Variants in FBXW7 observed in about 807,000 individuals in gnomAD.
FBXW7 encodes the protein F-box and WD repeat domain containing 7, also known as F-box/WD repeat-containing protein 7.
A neutral mutation model predicts 86.3 loss-of-function variants in FBXW7; 11 were observed. That is an observed-to-expected ratio of 0.13 (90% confidence interval 0.08 to 0.21). The LOEUF (loss-of-function observed/expected upper bound fraction) is 0.21. Among genes scored for constraint, FBXW7 ranks in the 10% least tolerant of loss-of-function variants. The pLI is 1.00. For missense variants in FBXW7, 488 were observed against 847.4 expected (o/e 0.58, Z 5.27); for synonymous variants, 313 against 297.9 (o/e 1.05, Z -0.52).
chr4:152,447,094 T>C (rs1280628629), intron 2 of FBXW7, among the ~76,000 whole-genome samples: 2 of 152,244 alleles, frequency 1.3e-5, no homozygotes, highest in Non-Finnish European at 2.9e-5. Context: ...TTTTCAACTT[T>C]CTAGAAACAC....
At chr4:152,366,893 T>C (rs1005824448) in intron 4 of FBXW7, among the ~76,000 whole-genome samples, 2 of 152,116 alleles carry the variant, frequency 1.3e-5, no homozygotes, top group Non-Finnish European at 2.9e-5. Flanking sequence ...CCATCAATGA[T>C]AGACTGGATT....
At chr4:152,499,740 TAG>T (rs1746737525) in intron 2 of FBXW7, among the ~76,000 whole-genome samples, 1 of 152,146 alleles carries the variant, frequency 6.6e-6, no homozygotes, top group African/African-American at 2.4e-5. Flanking sequence ...GTGTTTTTTG[TAG>T]AGACAGGGTT....
At chr4:152,403,877 C>T (rs146641933) in intron 4 of FBXW7, among the ~76,000 whole-genome samples, 1 of 152,160 alleles carries the variant, frequency 6.6e-6, no homozygotes, top group African/African-American at 2.4e-5. Context: ...GCTCGGAGAA[C>T]GGTTTTTATA....
At chr4:152,403,329 T>C (rs1179564353) in intron 4 of FBXW7, among the ~76,000 whole-genome samples, 3 of 151,874 alleles carry the variant, frequency 2.0e-5, no homozygotes, top group Non-Finnish European at 1.5e-5. Flanking sequence ...AATACAAAAA[T>C]TAGCTGGACG....
At chr4:152,457,973 A>G (rs1273480772) in intron 2 of FBXW7, among the ~76,000 whole-genome samples, 1 of 150,672 alleles carries the variant, frequency 6.6e-6, no homozygotes, top group South Asian at 2.1e-4. Flanking sequence ...AATTCTTTTA[A>G]TTTGATGTTT....
chr4:152,485,752 G>A (rs1745278241), intron 2 of FBXW7, among the ~76,000 whole-genome samples: 1 of 152,144 alleles, frequency 6.6e-6, no homozygotes, highest in African/African-American at 2.4e-5. Context: ...AAGGTAAGGA[G>A]AGAATGTTTT....
At chr4:152,406,366 T>C (rs2126859443) in intron 4 of FBXW7, among the ~76,000 whole-genome samples, 1 of 152,254 alleles carries the variant, frequency 6.6e-6, no homozygotes, top group Non-Finnish European at 1.5e-5. Flanking sequence ...GAGGATCTCT[T>C]ATGCCCAGGG....
intron 2 of FBXW7, among the ~76,000 whole-genome samples, chr4:152,468,161 G>A (rs1479683626): frequency 6.6e-6 from 1 of 152,048 alleles, no homozygotes; most frequent in African/African-American, 2.4e-5. Context: ...TTATGAGGTC[G>A]TGGAGAAATT....
intron 2 of FBXW7, among the ~76,000 whole-genome samples, chr4:152,529,762 T>A (rs894119062): frequency 2.0e-5 from 3 of 151,524 alleles, no homozygotes; most frequent in Non-Finnish European, 2.9e-5. Context: ...AGCTCAGGAG[T>A]TAAGAGACCA....
intron 4 of FBXW7, among the ~76,000 whole-genome samples, chr4:152,387,528 C>T (rs1270237953): frequency 6.9e-6 from 1 of 144,284 alleles, no homozygotes; most frequent in Non-Finnish European, 1.5e-5. Flanking sequence ...AATTTAAACA[C>T]AGAGGAAAAC....
At chr4:152,389,386 C>CAT (rs1043924105) in intron 4 of FBXW7, among the ~76,000 whole-genome samples, 6 of 152,064 alleles carry the variant, frequency 3.9e-5, no homozygotes, top group South Asian at 4.2e-4. Flanking sequence ...AACTAACCCA[C>CAT]ATATATATAT....
chr4:152,345,029 T>C (rs1445587263), intron 6 of FBXW7, among the ~76,000 whole-genome samples: 3 of 152,226 alleles, frequency 2.0e-5, no homozygotes, highest in Non-Finnish European at 4.4e-5. Context: ...CAGAATGATA[T>C]ATGCTGTTCA....
chr4:152,438,705 T>C (rs1340389127), intron 2 of FBXW7, among the ~76,000 whole-genome samples: 1 of 151,966 alleles, frequency 6.6e-6, no homozygotes, highest in Admixed American at 6.6e-5. Context: ...TTTTAAAACA[T>C]AAAGCTATAC....
chr4:152,520,714 T>C (rs192590845), intron 2 of FBXW7, among the ~76,000 whole-genome samples: 1 of 152,304 alleles, frequency 6.6e-6, no homozygotes, highest in East Asian at 1.9e-4. Context: ...CGGACCTATG[T>C]TGTGAAAAAG....
intron 2 of FBXW7, among the ~76,000 whole-genome samples, chr4:152,471,483 GGGAAAGGGGGA>G (rs1743959525): frequency 8.2e-6 from 1 of 121,798 alleles, no homozygotes; most frequent in Non-Finnish European, 1.7e-5. Context: ...GAAGCAGGGA[GGGAAAGGGGGA>G]GGGAAGGGGA....
At chr4:152,404,535 T>C (rs560544419) in intron 4 of FBXW7, among the ~76,000 whole-genome samples, 1 of 152,340 alleles carries the variant, frequency 6.6e-6, no homozygotes, top group African/African-American at 2.4e-5. Context: ...GTATAGAGTT[T>C]TGAATCCTAT....
intron 2 of FBXW7, among the ~76,000 whole-genome samples, chr4:152,527,444 A>G (rs1749615109): frequency 6.6e-6 from 1 of 152,128 alleles, no homozygotes; most frequent in Admixed American, 6.5e-5. Context: ...CCCCCTAAAA[A>G]GCATGCAATC....
At chr4:152,364,522 C>T (rs763379596) in intron 4 of FBXW7, among the ~76,000 whole-genome samples, 1 of 152,150 alleles carries the variant, frequency 6.6e-6, no homozygotes, top group African/African-American at 2.4e-5. Flanking sequence ...AACCCAAATA[C>T]ACTTAATAAG....
At chr4:152,425,848 A>G (rs2126931675) in intron 2 of FBXW7, among the ~76,000 whole-genome samples, 1 of 152,290 alleles carries the variant, frequency 6.6e-6, no homozygotes, top group Middle Eastern at 3.4e-3. Flanking sequence ...ACCCCCACAT[A>G]AAGCGGGGAG....
Sources: allele counts gnomAD v4.1 joint callset (sites outside exome capture counted in the v4.1 genomes callset), GRCh38; gene constraint gnomAD v4.1.1; transcripts MANE v1.5; gene names NCBI Gene and HGNC (gene_info 2026-07-23, HGNC 2026-07-21).